Variants in MCFD2 observed in about 807,000 individuals in gnomAD.
MCFD2 encodes the protein multiple coagulation factor deficiency protein 2.
A neutral mutation model predicts 12.8 loss-of-function variants in MCFD2; 11 were observed. The observed-to-expected ratio is 0.86, with a 90% CI of 0.54 to 1.42. The LOEUF is 1.42. Among genes scored for constraint, MCFD2 ranks in the 40% most tolerant of loss-of-function variants. The probability of loss-of-function intolerance (pLI) is 0.00; values close to 1 mark genes in which losing one functional copy is unlikely to be tolerated. For synonymous variants in MCFD2, 70 were observed against 68.1 expected (o/e 1.03, Z -0.14); for missense variants, 191 against 178.6 (o/e 1.07, Z -0.40).
intron 1 of MCFD2, among the ~76,000 whole-genome samples, chr2:46,928,471 A>C (rs901518747): frequency 2.0e-5 from 3 of 151,130 alleles, no homozygotes; most frequent in Admixed American, 6.6e-5. Flanking sequence ...AAAAAAAAAA[A>C]AAAAAAAAAA....
intron 1 of MCFD2, among the ~76,000 whole-genome samples, chr2:46,926,239 G>A (rs912799083): frequency 2.0e-5 from 3 of 152,156 alleles, no homozygotes; most frequent in Non-Finnish European, 2.9e-5. Flanking sequence ...CTAGATGGTC[G>A]GGGAGACATA....
At chr2:46,922,434 G>A (rs1669154016) in intron 1 of MCFD2, among the ~76,000 whole-genome samples, 1 of 152,104 alleles carries the variant, frequency 6.6e-6, no homozygotes, top group Admixed American at 6.6e-5. Context: ...TACATTTTTA[G>A]TTATTTTTTT....
At chr2:46,919,210 A>C (rs1668972235), upstream of MCFD2, among the ~76,000 whole-genome samples, 1 of 152,246 alleles carries the variant, frequency 6.6e-6, no homozygotes, top group African/African-American at 2.4e-5. Flanking sequence ...TGGAAAAATA[A>C]ATAGAAAAAT....
intron 1 of MCFD2, among the ~76,000 whole-genome samples, chr2:46,925,002 T>C (rs1669312895): frequency 6.6e-6 from 1 of 152,264 alleles, no homozygotes; most frequent in Non-Finnish European, 1.5e-5. Flanking sequence ...GCTTGGATAC[T>C]GAAGTAACTA....
Position 46,903,150 on chromosome 2 carries a change from C to A in MCFD2, c.*2313G>T, listed in dbSNP as rs903898835. 1.3e-5 allele frequency: 2 copies of A among 152,336 alleles called. No individual in the cohort carries two copies. The highest frequency in any genetic ancestry group is 4.8e-5 in the African/African-American group (2 of 41,426). 9.4% of individuals were successfully genotyped at this position (152,336 alleles called of 1,614,324 possible). The stretch of plus-strand genomic sequence containing the variant: ...GCTATTCTCGTGACAGTGAATAAGT[C>A]TCATGAGATCTGATCAGTTTATCAG... On this transcript the variant is annotated 3_prime_UTR_variant, in exon 4 of 4. Transcript: ENST00000319466.
chr2:46,905,332 A>G lies in MCFD2; in HGVS notation c.*131T>C. ...TCTTATCTCTTCTCACCCCAGTGTA[A>G]CGAATCGCTACAGGTTTTTACCAAA... On this transcript the variant is annotated 3_prime_UTR_variant, in exon 4 of 4. Coordinates refer to ENST00000319466, the MANE Select transcript of MCFD2 (RefSeq NM_139279.6). 1 of 951,300 alleles carries G rather than the reference A, an allele frequency of 1.1e-6. No homozygotes were observed. The highest frequency in any genetic ancestry group is 1.7e-5 in the Admixed American group (1 of 57,650). The allele number at this position is 951,300 out of a possible 1,614,324, so 58.9% of individuals were successfully genotyped here.
intron 1 of MCFD2, among the ~76,000 whole-genome samples, chr2:46,926,304 C>T (rs1053436358): frequency 2.6e-5 from 4 of 152,198 alleles, no homozygotes; most frequent in Non-Finnish European, 4.4e-5. Context: ...TGCCCAGGTA[C>T]TGTGCTAAAC....
chr2:46,923,503 A>G (rs1173202412), intron 1 of MCFD2, among the ~76,000 whole-genome samples: 1 of 152,250 alleles, frequency 6.6e-6, no homozygotes, highest in African/African-American at 2.4e-5. Context: ...CAGAAGGTAT[A>G]GGCCTTGGAG....
At chr2:46,932,094 G>A (rs1669735501) in intron 1 of MCFD2, among the ~76,000 whole-genome samples, 1 of 150,818 alleles carries the variant, frequency 6.6e-6, no homozygotes, top group Non-Finnish European at 1.5e-5. Flanking sequence ...ACTAGGAATA[G>A]AAAAAACTTC....
upstream of MCFD2, among the ~76,000 whole-genome samples, chr2:46,918,950 T>G (rs1488804064): frequency 6.6e-6 from 1 of 152,192 alleles, no homozygotes; most frequent in Non-Finnish European, 1.5e-5. Flanking sequence ...CCCATTTACT[T>G]TGTGTACTCA....
In MCFD2 at chr2:46,903,039, C is replaced by G. The variant is rs930391460; in HGVS notation, c.*2424G>C. On this transcript the variant is annotated 3_prime_UTR_variant, in exon 4 of 4. Transcript: ENST00000319466. The stretch of plus-strand genomic sequence containing the variant: ...GGTTGTGTCCCCCCACAAATCTCAA[C>G]TTGAATTGTATCTCCCAGAATTCCC... 11 of 152,190 alleles carry G rather than the reference C, an allele frequency of 7.2e-5. No individual in the cohort carries two copies. Among genetic ancestry groups the G allele is most frequent in the African/African-American group, 2.4e-4 (10 of 41,444 alleles). 9.4% of individuals were successfully genotyped at this position (152,190 alleles called of 1,614,324 possible).
intron 1 of MCFD2, among the ~76,000 whole-genome samples, chr2:46,928,742 C>T (rs555937619): frequency 2.7e-5 from 4 of 150,896 alleles, no homozygotes; most frequent in African/African-American, 4.9e-5. Flanking sequence ...TGCACTCCAG[C>T]GTGGGTAATG....
At chr2:46,930,424 C>T (rs991526197) in intron 1 of MCFD2, among the ~76,000 whole-genome samples, 2 of 137,826 alleles carry the variant, frequency 1.5e-5, no homozygotes, top group Non-Finnish European at 1.6e-5. Flanking sequence ...CTAGATGAAA[C>T]GTATTCCTAG....
intron 3 of MCFD2, among the ~76,000 whole-genome samples, chr2:46,906,475 A>AT (rs70940646): frequency 0.044 from 4,031 of 91,696 alleles, 552 homozygotes; most frequent in East Asian, 0.31. Flanking sequence ...AGGCACGAGG[A>AT]TTTTTTTTTT....
upstream of MCFD2, among the ~76,000 whole-genome samples, chr2:46,920,254 C>A (rs73926963): frequency 1.3e-5 from 2 of 152,064 alleles, no homozygotes; most frequent in Non-Finnish European, 2.9e-5. Context: ...CCTTTTGTCT[C>A]GCTCTCCTTT....
At position 46,909,069 on chromosome 2, in the gene MCFD2, G is replaced by A; in HGVS notation, c.103C>T (p.Gln35Ter). Residue 35 changes from glutamine (Q) to a stop codon, truncating the protein, a stop_gained, in exon 2 of 4, where the codon CAA (glutamine) becomes TAA (stop). Transcript: ENST00000319466. LOFTEE classifies it high-confidence loss of function. ...TTATCCAGGCCCATGCTGCCGGGTT[G>A]GGAGAAGCTGGCTGCAGGCTCCTCA... ...RAEEPAASFS[Q>*]PGSMGLDKNT... 6.2e-7 allele frequency: 1 copy of A among 1,614,246 alleles called. No individual in the cohort carries two copies. The highest frequency in any genetic ancestry group is 1.7e-5 in the Admixed American group (1 of 60,034).
At chr2:46,936,323 G>A (rs1669977935) in intron 1 of MCFD2, among the ~76,000 whole-genome samples, 1 of 152,132 alleles carries the variant, frequency 6.6e-6, no homozygotes, top group Admixed American at 6.5e-5. Context: ...GAAGAAGATA[G>A]GTGTAGGTCT....
At chr2:46,916,481 T>C (rs1481901775), upstream of MCFD2, 1 of 152,414 alleles carries the variant, frequency 6.6e-6, no homozygotes, top group Non-Finnish European at 1.5e-5. Flanking sequence ...AACAGACTCA[T>C]GAACAAATAG....
At chr2:46,924,931 A>C (rs1486128109) in intron 1 of MCFD2, among the ~76,000 whole-genome samples, 4 of 152,204 alleles carry the variant, frequency 2.6e-5, no homozygotes, top group Admixed American at 2.6e-4. Context: ...CACAGCCTTC[A>C]TTGGATATTT....
Sources: gnomAD v4.1 joint callset for allele counts (sites outside exome capture counted in the v4.1 genomes callset) on GRCh38, gnomAD v4.1.1 for gene constraint, MANE v1.5 for transcripts, NCBI Gene and HGNC (gene_info 2026-07-23, HGNC 2026-07-21) for gene names.